The following PRKG1 variants were observed in gnomAD, a reference collection of about 807,000 sequenced individuals.
PRKG1 encodes the protein cGMP-dependent protein kinase 1.
A neutral mutation model predicts 88.1 loss-of-function variants in PRKG1; 35 were observed. The ratio of observed to expected loss-of-function variants is 0.40; its 90% confidence interval spans 0.30 to 0.53. The LOEUF (loss-of-function observed/expected upper bound fraction) is 0.53, where lower values mean the gene tolerates loss of function less well. Among genes scored for constraint, PRKG1 ranks in the 20% least tolerant of loss-of-function variants. The pLI is 0.59. For synonymous variants in PRKG1, 303 were observed against 292.5 expected (o/e 1.04, Z -0.37); for missense variants, 540 against 839.8 (o/e 0.64, Z 4.41).
intron 9 of PRKG1, among the ~76,000 whole-genome samples, chr10:52,193,227 T>C (rs979105454): frequency 7.9e-5 from 12 of 152,036 alleles, no homozygotes; most frequent in Non-Finnish European, 1.8e-4. Flanking sequence ...TACTTAACCA[T>C]TTGACTCAAA....
At chr10:52,100,201 C>T (rs1847264858) in intron 7 of PRKG1, among the ~76,000 whole-genome samples, 1 of 152,118 alleles carries the variant, frequency 6.6e-6, no homozygotes, top group Admixed American at 6.5e-5. Flanking sequence ...CAGGAATCCC[C>T]TTTGGTGTGA....
chr10:51,228,605 G>A (rs1160872606), intron 2 of PRKG1, among the ~76,000 whole-genome samples: 1 of 152,052 alleles, frequency 6.6e-6, no homozygotes, highest in Non-Finnish European at 1.5e-5. Flanking sequence ...AGAGAGAGAG[G>A]GGAGACCAAG....
At chr10:51,331,621 A>G (rs1841744064) in intron 2 of PRKG1, among the ~76,000 whole-genome samples, 3 of 152,178 alleles carry the variant, frequency 2.0e-5, no homozygotes, top group East Asian at 1.9e-4. Context: ...ATCATCATCA[A>G]TGTGTCTTTT....
intron 4 of PRKG1, among the ~76,000 whole-genome samples, chr10:51,887,193 C>G (rs968926018): frequency 3.3e-5 from 5 of 152,138 alleles, no homozygotes; most frequent in African/African-American, 7.2e-5. Flanking sequence ...CCATATTGAC[C>G]AGGCTGGCCT....
At position 50,991,389 on chromosome 10, in the gene PRKG1, T is replaced by C. The variant is rs1025225046; in HGVS notation, c.11T>C (p.Leu4Pro). 1.3e-6 allele frequency: 2 copies of C among 1,543,980 alleles called. No homozygotes were observed. Among genetic ancestry groups the C allele is most frequent in the African/African-American group, 1.4e-5 (1 of 71,022 alleles). ...GGGCTCAGTGAAAAAATGAGCGAGC[T>C]AGAGGAAGACTTTGCCAAGATTCTC... is the stretch of plus-strand genomic sequence containing the variant. The change falls in exon 1 of 18, where the codon CTA becomes CCA. Residue 4 changes from leucine to proline, a missense_variant. Leu to Pro is a moderately conservative substitution (Grantham distance 98, BLOSUM62 -3). Transcript: ENST00000401604. The surrounding 1 kb of genome is among the most constrained non-coding windows in gnomAD (Gnocchi z 4.5).
chr10:51,399,603 T>C (rs1433601176), intron 2 of PRKG1, among the ~76,000 whole-genome samples: 1 of 152,008 alleles, frequency 6.6e-6, no homozygotes, highest in East Asian at 1.9e-4. Flanking sequence ...AGAAGAAAAA[T>C]AAAATCAAAA....
intron 1 of PRKG1, among the ~76,000 whole-genome samples, chr10:51,094,170 T>A (rs1019263318): frequency 1.2e-4 from 18 of 152,064 alleles, no homozygotes; most frequent in African/African-American, 3.9e-4. Flanking sequence ...ACTAGCATAG[T>A]ATCTAGGGCA....
chr10:51,514,473 A>G (rs978176533), intron 3 of PRKG1, among the ~76,000 whole-genome samples: 3 of 152,218 alleles, frequency 2.0e-5, no homozygotes, highest in Non-Finnish European at 4.4e-5. Flanking sequence ...CACCTAAGTA[A>G]GATATTGATT....
At chr10:51,156,169 A>G (rs1846206297) in intron 2 of PRKG1, among the ~76,000 whole-genome samples, 1 of 151,928 alleles carries the variant, frequency 6.6e-6, no homozygotes, top group African/African-American at 2.4e-5. Flanking sequence ...CACCTCATTG[A>G]TATCCCGTAG....
chr10:51,029,187 A>G (rs563173186), intron 1 of PRKG1, among the ~76,000 whole-genome samples: 2 of 152,322 alleles, frequency 1.3e-5, no homozygotes, highest in African/African-American at 4.8e-5. Flanking sequence ...ATGAAGACTC[A>G]ACCTTTATGG....
intron 3 of PRKG1, among the ~76,000 whole-genome samples, chr10:51,768,202 A>G (rs1161650555): frequency 6.6e-6 from 1 of 152,138 alleles, no homozygotes; most frequent in Non-Finnish European, 1.5e-5. Flanking sequence ...CACGCATGGC[A>G]TTATTACAAA....
chr10:51,591,075 A>G (rs768176454), intron 3 of PRKG1, among the ~76,000 whole-genome samples: 21 of 152,334 alleles, frequency 1.4e-4, no homozygotes, highest in Non-Finnish European at 2.6e-4. Context: ...AAGCACACAC[A>G]AGGAACAGTA....
At chr10:51,316,872 GA>G (rs1841335658) in intron 2 of PRKG1, among the ~76,000 whole-genome samples, 1 of 151,998 alleles carries the variant, frequency 6.6e-6, no homozygotes, top group African/African-American at 2.4e-5. Flanking sequence ...TTTTTATTCT[GA>G]ATGAGGCTTG....
chr10:52,071,796 T>A (rs1846502377), intron 7 of PRKG1, among the ~76,000 whole-genome samples: 1 of 152,202 alleles, frequency 6.6e-6, no homozygotes, highest in African/African-American at 2.4e-5. Flanking sequence ...CTATTTTATA[T>A]GTTTCATATT....
chr10:52,043,282 G>A (rs1845790765), intron 5 of PRKG1, among the ~76,000 whole-genome samples: 1 of 152,138 alleles, frequency 6.6e-6, no homozygotes, highest in South Asian at 2.1e-4. Flanking sequence ...GTTTATTGCA[G>A]CACTATGAAA....
intron 3 of PRKG1, chr10:51,698,535 C>T: frequency 2.3e-5 from 37 of 1,614,116 alleles, no homozygotes; most frequent in Non-Finnish European, 3.1e-5. Flanking sequence ...AAAGTCCCTC[C>T]ACGTGGGTCA....
chr10:51,087,659 T>C (rs971587122), intron 1 of PRKG1, among the ~76,000 whole-genome samples: 1 of 152,232 alleles, frequency 6.6e-6, no homozygotes, highest in African/African-American at 2.4e-5. Context: ...TGTATACCCA[T>C]ACTCATGATG....
chr10:51,113,046 A>G (rs1287679414), intron 1 of PRKG1, among the ~76,000 whole-genome samples: 6 of 152,212 alleles, frequency 3.9e-5, no homozygotes, highest in Admixed American at 3.9e-4. Flanking sequence ...TTAGCTGATG[A>G]CATGGAACAA....
intron 3 of PRKG1, among the ~76,000 whole-genome samples, chr10:51,716,205 C>A (rs936257172): frequency 6.6e-6 from 1 of 152,196 alleles, no homozygotes; most frequent in African/African-American, 2.4e-5. Flanking sequence ...AGAGAATTGA[C>A]CTCACACAGC....
Sources: allele counts gnomAD v4.1 joint callset (sites outside exome capture counted in the v4.1 genomes callset), GRCh38; gene constraint gnomAD v4.1.1; non-coding constraint Gnocchi (gnomAD v3.1); transcripts MANE v1.5; gene names NCBI Gene and HGNC (gene_info 2026-07-23, HGNC 2026-07-21).